ZFHX4: variants seen among roughly 807,000 people sequenced by gnomAD.
ZFHX4 encodes zinc finger homeobox 4.
Under a neutral mutation model 267.6 loss-of-function variants are expected in ZFHX4, and 56 were observed. The observed-to-expected ratio is 0.21, with a 90% CI of 0.17 to 0.26. ZFHX4 has a LOEUF of 0.26. Ranked by LOEUF, ZFHX4 falls within the 10% of genes least tolerant of loss-of-function variation. ZFHX4 has a pLI of 1.00. For missense variants in ZFHX4, 4,332 were observed against 4,420.0 expected (o/e 0.98, Z 0.56); for synonymous variants, 1,778 against 1,665.6 (o/e 1.07, Z -1.64).
At chr8:76,847,026 T>C (rs1395952490) in intron 6 of ZFHX4, among the ~76,000 whole-genome samples, 5 of 152,112 alleles carry the variant, frequency 3.3e-5, no homozygotes, top group Admixed American at 2.6e-4. Context: ...TTCTTACTTA[T>C]TAGTGGGGGA....
chr8:76,730,101 T>A (rs949205041), intron 3 of ZFHX4, among the ~76,000 whole-genome samples: 1 of 152,118 alleles, frequency 6.6e-6, no homozygotes, highest in Non-Finnish European at 1.5e-5. Flanking sequence ...AATTAAAAGA[T>A]TCTAGAAAAA....
intron 4 of ZFHX4, among the ~76,000 whole-genome samples, chr8:76,785,197 A>G (rs890348880): frequency 1.3e-5 from 2 of 152,166 alleles, no homozygotes; most frequent in African/African-American, 2.4e-5. Flanking sequence ...TAATGTTTAT[A>G]GACTGTACCA....
chr8:76,840,172 T>G (rs1456650607), intron 5 of ZFHX4, among the ~76,000 whole-genome samples: 5 of 152,138 alleles, frequency 3.3e-5, no homozygotes, highest in Non-Finnish European at 7.3e-5. Context: ...GCCTGCCTAC[T>G]TCAAAGGAAG....
chr8:76,786,357 A>G (rs1810690339), intron 4 of ZFHX4, among the ~76,000 whole-genome samples: 1 of 151,024 alleles, frequency 6.6e-6, no homozygotes, highest in Non-Finnish European at 1.5e-5. Flanking sequence ...AACGTATGGA[A>G]TAGTTTCATG....
chr8:76,699,472 A>G (rs1231747576), intron 1 of ZFHX4, among the ~76,000 whole-genome samples: 1 of 152,132 alleles, frequency 6.6e-6, no homozygotes. Context: ...TTAAAGAGAA[A>G]CACTAGCACC....
Position 76,827,369 on chromosome 8 carries a change from G to A in ZFHX4, c.3326-5969G>A, listed in dbSNP as rs114928506. Reference sequence around the variant, plus strand: ...GAGCTCACCTCCTGCAGCATGGCCCGTTCCTAACAAGCCACGGACCAGGAG... The same window carrying A: ...GAGCTCACCTCCTGCAGCATGGCCCATTCCTAACAAGCCACGGACCAGGAG... On this transcript the variant is annotated intron_variant, in intron 4 of 10. Transcript: ENST00000651372. 7.5e-3 allele frequency among the ~76,000 whole-genome samples: 1,142 copies of A among 152,262 alleles called. 14 individuals carry two copies. The highest frequency in any genetic ancestry group is 0.027 in the African/African-American group (1,102 of 41,560).
chr8:76,853,269 G>C lies in ZFHX4; in HGVS notation c.6348G>C (p.Gln2116His). ...ACCTCACCCAACTTTGCCAGCAGCA[G>C]CTCGGATTAGATCCCAACTTCTTAA... is the stretch of plus-strand genomic sequence containing the variant. ...SADLTQLCQQ[Q>H]LGLDPNFLRH... Residue 2116 changes from glutamine to histidine, a missense_variant, in exon 10 of 11, where the codon CAG (glutamine) becomes CAC (histidine). Physicochemically the swap from Gln to His is conservative, Grantham distance 24 (BLOSUM62 0). This residue lies in a region of ZFHX4 where 1,371 missense variants were observed against 1,423.1 expected (regional missense o/e 0.96). Coordinates refer to ENST00000651372, the MANE Select transcript of ZFHX4 (RefSeq NM_024721.5). The C allele has an allele frequency of 6.3e-7, 1 of 1,598,332 alleles. No individual in the cohort carries two copies. The highest frequency in any genetic ancestry group is 8.5e-7 in the Non-Finnish European group (1 of 1,171,930).
At chr8:76,711,629 T>C (rs561992463) in intron 3 of ZFHX4, among the ~76,000 whole-genome samples, 1 of 152,334 alleles carries the variant, frequency 6.6e-6, no homozygotes, top group Non-Finnish European at 1.5e-5. Context: ...GAATGAGTGA[T>C]GGATTAACGA....
intron 5 of ZFHX4, among the ~76,000 whole-genome samples, chr8:76,836,106 C>T (rs1189007616): frequency 6.6e-6 from 1 of 152,120 alleles, no homozygotes; most frequent in Non-Finnish European, 1.5e-5. Flanking sequence ...GTGCCAGAGA[C>T]TGGGGAGCAT....
intron 3 of ZFHX4, among the ~76,000 whole-genome samples, chr8:76,758,919 C>T (rs560032560): frequency 1.3e-5 from 2 of 152,114 alleles, no homozygotes; most frequent in South Asian, 4.2e-4. Context: ...GGCATTCAGG[C>T]TTATATGTGA....
At chr8:76,805,753 C>T (rs148511159) in intron 4 of ZFHX4, among the ~76,000 whole-genome samples, 235 of 152,028 alleles carry the variant, frequency 1.5e-3, no homozygotes, top group Middle Eastern at 3.4e-3. Context: ...AATTTTACAC[C>T]CTGTAGCACT....
intron 1 of ZFHX4, among the ~76,000 whole-genome samples, chr8:76,695,379 C>A (rs1807930877): frequency 6.6e-6 from 1 of 152,160 alleles, no homozygotes; most frequent in African/African-American, 2.4e-5. Context: ...TCTTAACATC[C>A]ATTTGAAAAG....
At chr8:76,810,261 C>T (rs143745269) in intron 4 of ZFHX4, among the ~76,000 whole-genome samples, 23 of 152,162 alleles carry the variant, frequency 1.5e-4, no homozygotes, top group Middle Eastern at 3.4e-3. Flanking sequence ...AAAGAAATGG[C>T]GGGGTATCAT....
At chr8:76,786,022 C>T (rs974950716) in intron 4 of ZFHX4, among the ~76,000 whole-genome samples, 5 of 152,032 alleles carry the variant, frequency 3.3e-5, no homozygotes, top group Admixed American at 2.0e-4. Flanking sequence ...AAACCCGTAA[C>T]GTGGATATTA....
In ZFHX4 at chr8:76,863,328, A is replaced by G; in HGVS notation, c.9614A>G (p.Glu3205Gly). The part of the protein sequence containing the change: ...KPNKVKKIKE[E>G]ELEATKPEKH... ...AACAAGGTGAAAAAAATCAAAGAGG[A>G]GGAATTAGAGGCCACCAAACCCGAA... Residue 3205 changes from glutamate (E) to glycine (G), a missense_variant, in exon 11 of 11, where the codon GAG becomes GGG. Coordinates refer to ENST00000651372, the MANE Select transcript of ZFHX4 (RefSeq NM_024721.5). 1.9e-6 allele frequency: 3 copies of G among 1,613,334 alleles called. No individual in the cohort carries two copies. The highest frequency in any genetic ancestry group is 2.5e-6 in the Non-Finnish European group (3 of 1,179,748).
chr8:76,757,478 G>A (rs932641897), intron 3 of ZFHX4, among the ~76,000 whole-genome samples: 3 of 152,102 alleles, frequency 2.0e-5, no homozygotes, highest in Non-Finnish European at 4.4e-5. Flanking sequence ...GAGTGTGATG[G>A]TCAACCACTG....
At chr8:76,856,981 A>T (rs150320470) in intron 10 of ZFHX4, among the ~76,000 whole-genome samples, 111 of 152,340 alleles carry the variant, frequency 7.3e-4, no homozygotes, top group African/African-American at 2.7e-3. Context: ...CATTAATATT[A>T]CTTCATGCCT....
At chr8:76,717,301 TCTC>T (rs1433158226) in intron 3 of ZFHX4, among the ~76,000 whole-genome samples, 2 of 152,184 alleles carry the variant, frequency 1.3e-5, no homozygotes, top group African/African-American at 4.8e-5. Context: ...TCCTTTCCTC[TCTC>T]CTCCTCAAAA....
chr8:76,849,112 A>C lies in ZFHX4; in HGVS notation c.3629A>C (p.Lys1210Thr). Residue 1210 changes from lysine (K) to threonine (T), a missense_variant, in exon 7 of 11, where the codon AAA becomes ACA. Physicochemically the swap from Lys to Thr is moderately conservative, Grantham distance 78 (BLOSUM62 -1). This residue lies in a region of ZFHX4 where 1,371 missense variants were observed against 1,423.1 expected (regional missense o/e 0.96). Coordinates refer to ENST00000651372, the MANE Select transcript of ZFHX4 (RefSeq NM_024721.5). ...TKRSKPTEDN[K>T]FCHEQFYQCP... Reference sequence around the variant, plus strand: ...AGGTCAAAACCTACAGAGGACAATAAATTCTGTCATGAACAGGTAAATACT... The same window carrying C: ...AGGTCAAAACCTACAGAGGACAATACATTCTGTCATGAACAGGTAAATACT... The C allele has an allele frequency of 1.3e-6, 2 of 1,558,944 alleles. No homozygotes were observed. Among genetic ancestry groups the C allele is most frequent in the Admixed American group, 1.9e-5 (1 of 51,812 alleles).
Sources: gnomAD v4.1 joint callset for allele counts (sites outside exome capture counted in the v4.1 genomes callset) on GRCh38, gnomAD v4.1.1 for gene constraint, gnomAD v4.1.1 regional missense constraint, MANE v1.5 for transcripts, NCBI Gene and HGNC (gene_info 2026-07-23, HGNC 2026-07-21) for gene names.